Variants in TRAF5 observed in about 807,000 individuals in gnomAD.
TRAF5 encodes TNF receptor-associated factor 5.
A neutral mutation model predicts 64.5 loss-of-function variants in TRAF5; 48 were observed. The ratio of observed to expected loss-of-function variants is 0.74; its 90% CI spans 0.59 to 0.95. TRAF5 has a LOEUF of 0.95. Ranked by LOEUF, TRAF5 falls within the 40% of genes least tolerant of loss-of-function variation. The pLI is 0.00. For missense variants in TRAF5, 545 were observed against 662.8 expected (o/e 0.82, Z 1.95); for synonymous variants, 206 against 240.5 (o/e 0.86, Z 1.33).
At chr1:211,348,465 T>C (rs1176554923) in intron 1 of TRAF5, among the ~76,000 whole-genome samples, 1 of 152,166 alleles carries the variant, frequency 6.6e-6, no homozygotes, top group Admixed American at 6.5e-5. Context: ...CAGTTTTAGG[T>C]TCACAGCAAA....
Position 211,371,365 on chromosome 1 carries a change from A to G in TRAF5, c.994A>G (p.Met332Val). Residue 332 changes from methionine (M) to valine (V), a missense_variant, in exon 10 of 11, where the codon ATG (methionine) becomes GTG (valine). Met to Val is a conservative substitution (Grantham distance 21). Transcript: ENST00000261464. Reference sequence around the variant, plus strand: ...AGCTCAAGTGCATCAATTATTACAAATGGTTAACCAGCAACAAAATAAATT... The same window carrying G: ...AGCTCAAGTGCATCAATTATTACAAGTGGTTAACCAGCAACAAAATAAATT... Reference protein sequence around the residue: ...LEAQVHQLLQMVNQQQNKFDL... With the variant: ...LEAQVHQLLQVVNQQQNKFDL... 1 of 1,611,436 alleles carries G rather than the reference A, an allele frequency of 6.2e-7. No homozygotes were observed. The highest frequency in any genetic ancestry group is 8.5e-7 in the Non-Finnish European group (1 of 1,179,644).
rs553503927 is a variant in TRAF5, at chr1:211,339,154, A to G, written c.-2+12265A>G. On this transcript the variant is annotated intron_variant, in intron 1 of 10. Transcript: ENST00000261464. ...TGTGTGATTTGGGGAAAGTTGTTTA[A>G]CAACTTGAGGCCTCGGACTGTTCAT... Among the ~76,000 whole-genome samples the G allele has an allele frequency of 4.5e-4, 69 of 152,358 alleles. 2 individuals are homozygous for G. The South Asian group carries it at 0.014, about 31-fold the overall frequency.
In TRAF5 at chr1:211,360,831, A is replaced by C. The variant is rs774735801; in HGVS notation, c.621+52A>C. 6 of 1,527,454 alleles carry C rather than the reference A, an allele frequency of 3.9e-6. No individual in the cohort carries two copies. In the Admixed American group the frequency reaches 8.4e-5, roughly 21 times the overall value. 94.6% of individuals were successfully genotyped at this position (1,527,454 alleles called of 1,614,324 possible). A position where few individuals can be genotyped will look rare whatever the true frequency, so the allele number is the denominator to read the frequency against. On this transcript the variant is annotated intron_variant, in intron 6 of 10. Transcript: ENST00000261464. Reference sequence around the variant, plus strand: ...ATTTTATGGAAGATAACGTTTTAGTAATCATTGTGGTCTGTGTTTGATACA... The same window carrying C: ...ATTTTATGGAAGATAACGTTTTAGTCATCATTGTGGTCTGTGTTTGATACA...
At chr1:211,370,440 T>C (rs1218310978) in intron 9 of TRAF5, among the ~76,000 whole-genome samples, 2 of 151,904 alleles carry the variant, frequency 1.3e-5, no homozygotes. Flanking sequence ...TGTATATGTA[T>C]GTGAAATATA....
At chr1:211,360,517 T>A (rs531370059) in intron 5 of TRAF5, 185 bp from the exon 6 acceptor site, 1 of 542,568 alleles carries the variant, frequency 1.8e-6, no homozygotes, top group South Asian at 2.9e-5. Flanking sequence ...ATTGGAAAAT[T>A]TAATATTTTA....
intron 3 of TRAF5, among the ~76,000 whole-genome samples, chr1:211,355,073 C>A (rs1387614552): frequency 1.3e-5 from 2 of 151,286 alleles, no homozygotes; most frequent in Non-Finnish European, 2.9e-5. Flanking sequence ...CTTGGGAGGC[C>A]GAGGCACAAG....
chr1:211,372,295 G>A lies in TRAF5; in HGVS notation c.1267G>A (p.Gly423Arg), dbSNP rs770287227. ...YKMKKREAVD[G>R]HTVSIFSQSF... ...GATGAAGAAGAGAGAGGCGGTGGAT[G>A]GGCACACAGTGTCCATCTTCAGCCA... The change falls in exon 11 of 11, where the codon GGG (glycine) becomes AGG (arginine). Residue 423 changes from glycine (G) to arginine (R), a missense_variant. Transcript: ENST00000261464. The A allele has an allele frequency of 6.2e-7, 1 of 1,613,988 alleles. No homozygotes were observed. Among genetic ancestry groups the A allele is most frequent in the Non-Finnish European group, 8.5e-7 (1 of 1,180,018 alleles).
intron 2 of TRAF5, 37 bp from the exon 3 acceptor site, chr1:211,354,373 C>T (rs1315716017): frequency 1.2e-6 from 2 of 1,606,986 alleles, no homozygotes; most frequent in East Asian, 2.2e-5. Flanking sequence ...TTGAGGTAAA[C>T]AACTAACTCT....
At position 211,346,317 on chromosome 1, in the gene TRAF5, A is replaced by AG. The variant is rs1289167503; in HGVS notation, c.-1-6921dup. 3 of 970,824 alleles carry AG rather than the reference A, an allele frequency of 3.1e-6. No individual in the cohort carries two copies. The African/African-American group carries it at 5.3e-5, about 17-fold the overall frequency. The allele number at this position is 970,824 out of a possible 1,614,324, so 60.1% of individuals were successfully genotyped here. Reference sequence around the variant, plus strand: ...TCTGTCCTTGGAGGGACTCAAGGGCAGATGCAACGTCACAGCCTCTGCATT... The same window carrying AG: ...TCTGTCCTTGGAGGGACTCAAGGGCAGGATGCAACGTCACAGCCTCTGCATT... On this transcript the variant is annotated intron_variant, in intron 1 of 10. Transcript: ENST00000261464.
intron 8 of TRAF5, among the ~76,000 whole-genome samples, chr1:211,366,997 G>GTTTT (rs1448072482): frequency 1.1e-4 from 17 of 150,386 alleles, no homozygotes; most frequent in Non-Finnish European, 2.4e-4. Flanking sequence ...TTGTTTGTTT[G>GTTTT]TTGAGATAGG....
At chr1:211,330,150 A>G (rs1702119778) in intron 1 of TRAF5, among the ~76,000 whole-genome samples, 1 of 152,180 alleles carries the variant, frequency 6.6e-6, no homozygotes, top group Non-Finnish European at 1.5e-5. Flanking sequence ...ATCGTGCTGT[A>G]GCAAAAGCAG....
intron 1 of TRAF5, among the ~76,000 whole-genome samples, chr1:211,328,149 A>G (rs1160626897): frequency 1.2e-4 from 18 of 152,218 alleles, no homozygotes; most frequent in Non-Finnish European, 2.9e-5. Context: ...GCTCTGCCTT[A>G]TGTACTCACA....
At chr1:211,366,966 AT>A (rs899328818) in intron 8 of TRAF5, among the ~76,000 whole-genome samples, 1 of 107,596 alleles carries the variant, frequency 9.3e-6, no homozygotes, top group African/African-American at 2.6e-5. Context: ...TGGTCAGCTA[AT>A]TGTTTGTTTG....
chr1:211,357,572 C>T (rs967999060), intron 4 of TRAF5: 2 of 152,064 alleles, frequency 1.3e-5, no homozygotes, highest in African/African-American at 2.4e-5. Flanking sequence ...TTTATATTTC[C>T]CCTCATTCCT....
At chr1:211,366,352 C>T (rs1703350114) in intron 8 of TRAF5, among the ~76,000 whole-genome samples, 1 of 152,298 alleles carries the variant, frequency 6.6e-6, no homozygotes, top group South Asian at 2.1e-4. Context: ...CAAGTTTTTT[C>T]TGTATCAGTT....
intron 1 of TRAF5, among the ~76,000 whole-genome samples, chr1:211,336,092 G>A (rs1346943938): frequency 6.6e-6 from 1 of 152,192 alleles, no homozygotes; most frequent in Non-Finnish European, 1.5e-5. Context: ...AGTGAGCTGA[G>A]AAGGAACAGC....
intron 7 of TRAF5, among the ~76,000 whole-genome samples, chr1:211,364,333 G>A (rs1416821948): frequency 3.9e-5 from 6 of 152,194 alleles, no homozygotes; most frequent in Admixed American, 6.5e-5. Context: ...CAGCCAGTCC[G>A]TGATTGGAGG....
At chr1:211,351,328 C>T (rs1702781769) in intron 1 of TRAF5, among the ~76,000 whole-genome samples, 1 of 152,092 alleles carries the variant, frequency 6.6e-6, no homozygotes, top group Non-Finnish European at 1.5e-5. Flanking sequence ...GTCCAGCCTT[C>T]TCTGGCCTCT....
At chr1:211,351,694 T>TC (rs1702791828) in intron 1 of TRAF5, among the ~76,000 whole-genome samples, 1 of 152,172 alleles carries the variant, frequency 6.6e-6, no homozygotes, top group Non-Finnish European at 1.5e-5. Flanking sequence ...TGTCCAGTTG[T>TC]CCCAGCACCA....
Sources: gnomAD v4.1 joint callset for allele counts (sites outside exome capture counted in the v4.1 genomes callset) on GRCh38, gnomAD v4.1.1 for gene constraint, MANE v1.5 for transcripts, NCBI Gene and HGNC (gene_info 2026-07-23, HGNC 2026-07-21) for gene names.